The following SBF2 variants were observed in gnomAD, a reference collection of about 807,000 sequenced individuals.
The protein encoded by SBF2 is SET binding factor 2.
SBF2 carries 112 observed loss-of-function variants against 225.2 expected under a neutral mutation model. The ratio of observed to expected loss-of-function variants is 0.50; its 90% confidence interval spans 0.43 to 0.58. The LOEUF is 0.58. SBF2 is among the 20% of genes least tolerant of loss of function. The probability of loss-of-function intolerance (pLI) is 0.00; values close to 1 mark genes in which losing one functional copy is unlikely to be tolerated. For synonymous variants in SBF2, 763 were observed against 773.3 expected (o/e 0.99, Z 0.22); for missense variants, 1,996 against 2,206.2 (o/e 0.90, Z 1.91).
At position 9,858,382 on chromosome 11, in the gene SBF2, T is replaced by C. The variant is rs1178925629; in HGVS notation, c.1944A>G (p.Gly648=). 5 of 1,614,172 alleles carry C rather than the reference T, an allele frequency of 3.1e-6. No homozygotes were observed. Among genetic ancestry groups the C allele is most frequent in the Non-Finnish European group, 4.2e-6 (5 of 1,180,006 alleles). ...CACACGTGTAAGCAAACTGGCTGACTCCAGGGGCAAGTTTCTGTGAGAACA... is the reference window on the plus strand; with the variant it reads ...CACACGTGTAAGCAAACTGGCTGACCCCAGGGGCAAGTTTCTGTGAGAACA... ...TSAFYRKLAP[G]VSQFAYTCVQ... is the part of the protein sequence containing the mutation. Residue 648 remains glycine (G), a synonymous_variant, in exon 18 of 40, where the codon GGA becomes GGG. Transcript: ENST00000256190.
chr11:9,958,855 C>T, intron 16 of SBF2: 1 of 647,408 alleles, frequency 1.5e-6, no homozygotes, highest in South Asian at 1.6e-5. Context: ...CAAAGTAACC[C>T]TTCTTCTCCT....
rs1554933292 is a variant in SBF2, at chr11:9,868,366, A to AAAAAAAAAAAG, written c.1930-9971_1930-9970insCTTTTTTTTTT. Among the ~76,000 whole-genome samples the AAAAAAAAAAAG allele has an allele frequency of 2.1e-4, 24 of 114,914 alleles. 1 individual carries two copies. Among genetic ancestry groups the AAAAAAAAAAAG allele is most frequent in the African/African-American group, 3.6e-4 (10 of 28,098 alleles). 75.4% of individuals were successfully genotyped at this position (114,914 alleles called of 152,430 possible). A position where few individuals can be genotyped will look rare whatever the true frequency, so the allele number is the denominator to read the frequency against. On this transcript the variant is annotated intron_variant, in intron 17 of 39. Coordinates refer to ENST00000256190, the MANE Select transcript of SBF2 (RefSeq NM_030962.4). ...AAAAAAAAAAAAAAAAAAAAAAAAA[A>AAAAAAAAAAAG]AATTAGGCGGGTGTGGTGGCGGGCG...
intron 13 of SBF2, among the ~76,000 whole-genome samples, chr11:9,972,745 C>T (rs1410276553): frequency 6.6e-6 from 1 of 152,030 alleles, no homozygotes; most frequent in Admixed American, 6.6e-5. Context: ...CCTCCCAAAG[C>T]GCTGGGATTA....
intron 2 of SBF2, among the ~76,000 whole-genome samples, chr11:10,070,747 G>C (rs1255248417): frequency 6.6e-6 from 1 of 152,142 alleles, no homozygotes; most frequent in African/African-American, 2.4e-5. Context: ...AGATTACTTT[G>C]GGCCATATGG....
intron 26 of SBF2, among the ~76,000 whole-genome samples, chr11:9,834,361 G>A (rs1426310241): frequency 6.6e-6 from 1 of 152,122 alleles, no homozygotes; most frequent in Non-Finnish European, 1.5e-5. Flanking sequence ...CAAAGTGCTA[G>A]GATTCATGCT....
chr11:10,223,290 C>G (rs1370342364), intron 1 of SBF2, among the ~76,000 whole-genome samples: 1 of 150,502 alleles, frequency 6.6e-6, no homozygotes, highest in Admixed American at 6.6e-5. Flanking sequence ...ACCCCAACCC[C>G]TAGAGCCGTC....
chr11:10,277,425 T>C (rs569842387), intron 1 of SBF2, among the ~76,000 whole-genome samples: 2 of 152,328 alleles, frequency 1.3e-5, no homozygotes, highest in Admixed American at 6.5e-5. Flanking sequence ...TTTTGTTTGT[T>C]GCAAAATTGT....
chr11:10,119,982 A>T (rs1003633104), intron 2 of SBF2, among the ~76,000 whole-genome samples: 3 of 152,214 alleles, frequency 2.0e-5, no homozygotes, highest in African/African-American at 7.2e-5. Context: ...TCCATTGGTA[A>T]ATGTATAGTT....
intron 2 of SBF2, among the ~76,000 whole-genome samples, chr11:10,050,799 C>T (rs1950033033): frequency 6.6e-6 from 1 of 152,070 alleles, no homozygotes; most frequent in African/African-American, 2.4e-5. Flanking sequence ...TGATGCATAT[C>T]CCAGGTGGGA....
intron 2 of SBF2, among the ~76,000 whole-genome samples, chr11:10,049,891 T>C (rs1357419509): frequency 2.6e-5 from 4 of 152,172 alleles, no homozygotes; most frequent in Admixed American, 6.5e-5. Flanking sequence ...CTCAACAAAC[T>C]TCTTTCGTGA....
intron 6 of SBF2, among the ~76,000 whole-genome samples, chr11:10,006,849 C>T (rs1259762513): frequency 1.3e-5 from 2 of 152,152 alleles, no homozygotes; most frequent in Non-Finnish European, 2.9e-5. Context: ...GAAAATCAAG[C>T]TTCTTGTCTA....
In SBF2 at chr11:9,938,575, C is replaced by A. The variant is rs1429844902; in HGVS notation, c.1860+23382G>T. Among the ~76,000 whole-genome samples, 11 of 151,506 alleles carry A rather than the reference C, an allele frequency of 7.3e-5. No homozygotes were observed. In the South Asian group the frequency reaches 8.3e-4, roughly 11 times the overall value. Reference sequence around the variant, plus strand: ...AATAAATATCCATGGATTAGAATAACAATCCAGAAATAAATCCCAGTATGT... The same window carrying A: ...AATAAATATCCATGGATTAGAATAAAAATCCAGAAATAAATCCCAGTATGT... On this transcript the variant is annotated intron_variant, in intron 16 of 39. Transcript: ENST00000256190.
chr11:10,291,876 T>C (rs1191851119), intron 1 of SBF2, among the ~76,000 whole-genome samples: 1 of 152,164 alleles, frequency 6.6e-6, no homozygotes, highest in Non-Finnish European at 1.5e-5. Context: ...CAAAGTGAAA[T>C]TGTGCACCAC....
At chr11:10,177,956 C>T (rs1374459463) in intron 2 of SBF2, among the ~76,000 whole-genome samples, 1 of 148,994 alleles carries the variant, frequency 6.7e-6, no homozygotes, top group East Asian at 2.1e-4. Context: ...TACAAGGCTA[C>T]AGTAACCAAA....
At chr11:10,207,209 A>G (rs953821140) in intron 1 of SBF2, among the ~76,000 whole-genome samples, 1 of 152,132 alleles carries the variant, frequency 6.6e-6, no homozygotes, top group African/African-American at 2.4e-5. Flanking sequence ...TGCTGAAAGA[A>G]AGAACTATCA....
At chr11:10,098,826 G>C (rs1952160809) in intron 2 of SBF2, among the ~76,000 whole-genome samples, 2 of 150,878 alleles carry the variant, frequency 1.3e-5, no homozygotes, top group Admixed American at 6.6e-5. Context: ...TCAAAAACAG[G>C]TCATTTGATT....
intron 16 of SBF2, among the ~76,000 whole-genome samples, chr11:9,935,059 A>G (rs1156698042): frequency 3.3e-5 from 5 of 152,168 alleles, no homozygotes; most frequent in Non-Finnish European, 7.4e-5. Flanking sequence ...AGAAAACCCC[A>G]TCGTCTCAGC....
intron 16 of SBF2, 64 bp downstream of exon 16, chr11:9,961,893 A>G: frequency 6.6e-7 from 1 of 1,524,328 alleles, no homozygotes; most frequent in Non-Finnish European, 9.0e-7. Flanking sequence ...TAATTACAAA[A>G]TATTCTGGAA....
chr11:10,166,961 C>CCACACACACA (rs373552790), intron 2 of SBF2, among the ~76,000 whole-genome samples: 4 of 125,904 alleles, frequency 3.2e-5, no homozygotes, highest in African/African-American at 9.6e-5. Flanking sequence ...GACTCTGTCT[C>CCACACACACA]CACACACACA....
Sources: gnomAD v4.1 joint callset for allele counts (sites outside exome capture counted in the v4.1 genomes callset) on GRCh38, gnomAD v4.1.1 for gene constraint, MANE v1.5 for transcripts, NCBI Gene and HGNC (gene_info 2026-07-23, HGNC 2026-07-21) for gene names.